The following CNTNAP2 variants were observed in gnomAD, a reference collection of about 807,000 sequenced individuals.
CNTNAP2 encodes the protein contactin-associated protein-like 2.
Under a neutral mutation model 155.2 loss-of-function variants are expected in CNTNAP2, and 98 were observed. The ratio of observed to expected loss-of-function variants is 0.63; its 90% confidence interval spans 0.54 to 0.75. The LOEUF (loss-of-function observed/expected upper bound fraction) is 0.75, where lower values mean the gene tolerates loss of function less well. CNTNAP2 is among the 30% of genes least tolerant of loss of function. The pLI, the probability that CNTNAP2 is intolerant of heterozygous loss-of-function variation, is 0.00. For synonymous variants in CNTNAP2, 651 were observed against 631.2 expected (o/e 1.03, Z -0.47); for missense variants, 1,727 against 1,688.1 (o/e 1.02, Z -0.40).
intron 16 of CNTNAP2, among the ~76,000 whole-genome samples, chr7:148,140,214 T>C (rs1175004688): frequency 1.3e-5 from 2 of 152,130 alleles, no homozygotes. Context: ...ACAATTTGCA[T>C]GGGGTATTGC....
chr7:146,622,356 G>T (rs1237393879), intron 1 of CNTNAP2, among the ~76,000 whole-genome samples: 1 of 151,534 alleles, frequency 6.6e-6, no homozygotes, highest in Admixed American at 6.6e-5. Context: ...CCTGGTTTTT[G>T]TTGTTGTTGG....
At position 148,287,787 on chromosome 7, in the gene CNTNAP2, C is replaced by CTTTTTTTTTTTTTTTTTTTTTT. The variant is rs1230237736; in HGVS notation, c.3475+20668_3475+20669insTTTTTTTTTTTTTTTTTTTTTT. Among the ~76,000 whole-genome samples, 2 of 64,906 alleles carry CTTTTTTTTTTTTTTTTTTTTTT rather than the reference C, an allele frequency of 3.1e-5. 1 individual carries two copies. Among genetic ancestry groups the CTTTTTTTTTTTTTTTTTTTTTT allele is most frequent in the Non-Finnish European group, 5.3e-5 (2 of 37,622 alleles). 42.6% of individuals were successfully genotyped at this position (64,906 alleles called of 152,430 possible). ...GGTCTCTCTTCCTCTTTCTTTCTTT[C>CTTTTTTTTTTTTTTTTTTTTTT]TTTTTTTCTTTTTTTTTTTTTGAAT... On this transcript the variant is annotated intron_variant, in intron 21 of 23. Transcript: ENST00000361727.
intron 1 of CNTNAP2, among the ~76,000 whole-genome samples, chr7:146,730,748 A>G (rs1801511296): frequency 6.6e-6 from 1 of 152,140 alleles, no homozygotes; most frequent in South Asian, 2.1e-4. Flanking sequence ...TCATTGACTT[A>G]GTGAGTTTTT....
chr7:146,833,778 T>G (rs1479200333), intron 2 of CNTNAP2, among the ~76,000 whole-genome samples: 13 of 152,202 alleles, frequency 8.5e-5, no homozygotes, highest in African/African-American at 2.4e-5. Flanking sequence ...AATGCCCAAA[T>G]GCCTTTGTAT....
intron 11 of CNTNAP2, among the ~76,000 whole-genome samples, chr7:147,507,012 GA>G (rs144285244): frequency 6.6e-6 from 1 of 152,120 alleles, no homozygotes; most frequent in Admixed American, 6.5e-5. Flanking sequence ...TTTCTTAAAA[GA>G]AAAAAATAAA....
intron 1 of CNTNAP2, among the ~76,000 whole-genome samples, chr7:146,671,918 C>T (rs12534215): frequency 2.8e-4 from 43 of 151,990 alleles, no homozygotes; most frequent in Admixed American, 5.2e-4. Context: ...TGGGTTCAAG[C>T]GATTCTCCTG....
At chr7:147,690,037 T>C (rs900803883) in intron 13 of CNTNAP2, among the ~76,000 whole-genome samples, 1 of 151,208 alleles carries the variant, frequency 6.6e-6, no homozygotes, top group African/African-American at 2.4e-5. Flanking sequence ...CCGCCTCCAG[T>C]CTCCCTTCCT....
At chr7:147,212,705 C>A (rs1379643123) in intron 8 of CNTNAP2, among the ~76,000 whole-genome samples, 2 of 152,100 alleles carry the variant, frequency 1.3e-5, no homozygotes, top group Non-Finnish European at 1.5e-5. Flanking sequence ...ACCCATACAA[C>A]ACACTTGAAC....
At position 147,507,372 on chromosome 7, in the gene CNTNAP2, G is replaced by T. The variant is rs73162082; in HGVS notation, c.1777+21331G>T. ...GGACTCAGCTAAGTAACCCAAGGAGGTTGTCTCTCTTCACCCGCTCCTCCC... is the reference window on the plus strand; with the variant it reads ...GGACTCAGCTAAGTAACCCAAGGAGTTTGTCTCTCTTCACCCGCTCCTCCC... On this transcript the variant is annotated intron_variant, in intron 11 of 23. Coordinates refer to ENST00000361727, the MANE Select transcript of CNTNAP2 (RefSeq NM_014141.6). Among the ~76,000 whole-genome samples, 233 of 152,048 alleles carry T rather than the reference G, an allele frequency of 1.5e-3. 1 individual carries two copies. The highest frequency in any genetic ancestry group is 2.3e-3 in the Non-Finnish European group (158 of 67,980).
At chr7:147,519,819 C>T (rs1440111442) in intron 11 of CNTNAP2, among the ~76,000 whole-genome samples, 1 of 152,162 alleles carries the variant, frequency 6.6e-6, no homozygotes, top group Non-Finnish European at 1.5e-5. Context: ...GAGCCACAGT[C>T]GTACCACTGC....
chr7:147,667,590 A>G (rs546235967), intron 13 of CNTNAP2, among the ~76,000 whole-genome samples: 7 of 152,226 alleles, frequency 4.6e-5, no homozygotes, highest in Middle Eastern at 3.4e-3. Flanking sequence ...GAGAAGTACT[A>G]TTGGAGAATA....
At chr7:146,774,175 CAT>C (rs1802346229) in intron 1 of CNTNAP2, 94 bp from the exon 2 acceptor site, 3 of 832,808 alleles carry the variant, frequency 3.6e-6, no homozygotes, top group South Asian at 2.9e-5. Flanking sequence ...ACATAAAAGA[CAT>C]ATCAGATTCA....
At chr7:148,338,587 AC>A (rs1351937718) in intron 21 of CNTNAP2, among the ~76,000 whole-genome samples, 2 of 152,084 alleles carry the variant, frequency 1.3e-5, no homozygotes, top group Admixed American at 6.6e-5. Flanking sequence ...CTGCTGATGA[AC>A]CAGGAGGCAG....
At chr7:148,398,372 G>A (rs4726971) in intron 22 of CNTNAP2, among the ~76,000 whole-genome samples, 38,431 of 152,222 alleles carry the variant, frequency 0.25, 5,551 homozygotes, top group Non-Finnish European at 0.33. Flanking sequence ...CACATTCATC[G>A]TGTAAAGCTG....
chr7:147,615,260 G>A (rs1801260667), intron 12 of CNTNAP2, among the ~76,000 whole-genome samples: 1 of 112,606 alleles, frequency 8.9e-6, no homozygotes. Context: ...GTGACGGAGA[G>A]GAGCGAGACC....
intron 21 of CNTNAP2, among the ~76,000 whole-genome samples, chr7:148,359,044 TG>T (rs1414688200): frequency 6.6e-6 from 1 of 152,242 alleles, no homozygotes; most frequent in Non-Finnish European, 1.5e-5. Context: ...GATTATAATA[TG>T]GTTACTTTTA....
At chr7:148,350,097 T>C (rs1178130787) in intron 21 of CNTNAP2, among the ~76,000 whole-genome samples, 1 of 152,074 alleles carries the variant, frequency 6.6e-6, no homozygotes, top group Non-Finnish European at 1.5e-5. Flanking sequence ...TGCTGGAGTT[T>C]AGTGGAGAGA....
At chr7:146,457,848 A>G (rs1796580467) in intron 1 of CNTNAP2, among the ~76,000 whole-genome samples, 1 of 152,020 alleles carries the variant, frequency 6.6e-6, no homozygotes, top group African/African-American at 2.4e-5. Context: ...TATTATTTTT[A>G]TTTATTTCTC....
At chr7:147,418,258 T>C (rs1019582036) in intron 10 of CNTNAP2, among the ~76,000 whole-genome samples, 12 of 152,184 alleles carry the variant, frequency 7.9e-5, no homozygotes, top group African/African-American at 2.9e-4. Flanking sequence ...ATAAAGGAAA[T>C]GAAAGCACAG....
Sources: allele counts gnomAD v4.1 joint callset (sites outside exome capture counted in the v4.1 genomes callset), GRCh38; gene constraint gnomAD v4.1.1; transcripts MANE v1.5; gene names NCBI Gene and HGNC (gene_info 2026-07-23, HGNC 2026-07-21).